Variants in COG7 observed in about 807,000 individuals in gnomAD.
The protein encoded by COG7 is conserved oligomeric Golgi complex subunit 7.
A neutral mutation model predicts 91.5 loss-of-function variants in COG7; 49 were observed. That is an observed-to-expected ratio of 0.54 (90% CI 0.43 to 0.68). The LOEUF (loss-of-function observed/expected upper bound fraction) is 0.68. Ranked by LOEUF, COG7 falls within the 30% of genes least tolerant of loss-of-function variation. COG7 has a pLI of 0.00. For missense variants in COG7, 895 were observed against 961.3 expected (o/e 0.93, Z 0.91); for synonymous variants, 365 against 388.7 (o/e 0.94, Z 0.72).
At chr16:23,420,442 T>C (rs566579273) in intron 7 of COG7, among the ~76,000 whole-genome samples, 26 of 152,318 alleles carry the variant, frequency 1.7e-4, no homozygotes, top group African/African-American at 6.3e-4. Context: ...TTATTATTAC[T>C]TCTACAGCCT....
At chr16:23,414,124 C>T (rs1963614053) in intron 9 of COG7, 1 of 162,890 alleles carries the variant, frequency 6.1e-6, no homozygotes, top group South Asian at 1.7e-4. Flanking sequence ...GGAGATCCTC[C>T]CTCACAGGCT....
chr16:23,398,269 A>T, intron 13 of COG7, 140 bp from the exon 14 acceptor site: 1 of 712,020 alleles, frequency 1.4e-6, no homozygotes, highest in Non-Finnish European at 2.5e-6. Context: ...AGCCTCCACC[A>T]CTCAGCAGGC....
chr16:23,391,211 G>A (rs142236244), intron 16 of COG7, among the ~76,000 whole-genome samples: 132 of 152,348 alleles, frequency 8.7e-4, no homozygotes, highest in African/African-American at 2.5e-3. Context: ...TGCTGAATGA[G>A]TGAAGAAATG....
intron 1 of COG7, among the ~76,000 whole-genome samples, chr16:23,449,609 C>G (rs756351189): frequency 6.6e-6 from 1 of 150,768 alleles, no homozygotes; most frequent in African/African-American, 2.4e-5. Flanking sequence ...GGCATGGTGG[C>G]GCATGCCTAT....
intron 8 of COG7, 31 bp downstream of exon 8, chr16:23,418,669 C>T (rs778477301): frequency 1.2e-6 from 2 of 1,611,092 alleles, no homozygotes; most frequent in South Asian, 2.2e-5. Context: ...CAGAATGCTT[C>T]CTCAGTGGCC....
At chr16:23,428,291 G>A (rs927472461) in intron 6 of COG7, among the ~76,000 whole-genome samples, 4 of 152,148 alleles carry the variant, frequency 2.6e-5, no homozygotes, top group Non-Finnish European at 5.9e-5. Flanking sequence ...GGAGGTTGCA[G>A]TGAGCCAAGA....
At chr16:23,425,001 C>T (rs1963822767) in intron 6 of COG7, 54 bp from the exon 7 acceptor site, 8 of 1,510,868 alleles carry the variant, frequency 5.3e-6, no homozygotes, top group Non-Finnish European at 7.2e-6. Flanking sequence ...AATAGGAGCC[C>T]ACCTTTTTTA....
intron 11 of COG7, 129 bp downstream of exon 11, chr16:23,410,166 T>C (rs577168468): frequency 2.7e-6 from 2 of 745,368 alleles, no homozygotes; most frequent in South Asian, 2.9e-5. Flanking sequence ...TGTATCTAGG[T>C]ACAGACAGTC....
intron 11 of COG7, among the ~76,000 whole-genome samples, chr16:23,407,530 G>C (rs1006004048): frequency 6.6e-6 from 1 of 152,198 alleles, no homozygotes; most frequent in Non-Finnish European, 1.5e-5. Context: ...AGGCTTGGTA[G>C]AGGAGAGGCC....
chr16:23,400,969 CA>C (rs1221183083), intron 13 of COG7, among the ~76,000 whole-genome samples: 24 of 99,946 alleles, frequency 2.4e-4, no homozygotes, highest in East Asian at 6.1e-4. Context: ...GACTTTGTCT[CA>C]AAAAAAAAAG....
At chr16:23,406,560 G>A (rs918965036) in intron 11 of COG7, among the ~76,000 whole-genome samples, 1 of 152,164 alleles carries the variant, frequency 6.6e-6, no homozygotes, top group African/African-American at 2.4e-5. Flanking sequence ...AGTTTAGTCT[G>A]GAACACTGTG....
At chr16:23,405,808 C>T (rs574167845) in intron 12 of COG7, among the ~76,000 whole-genome samples, 48 of 152,306 alleles carry the variant, frequency 3.2e-4, no homozygotes, top group African/African-American at 1.1e-3. Flanking sequence ...TGAGCCACCA[C>T]ACCTGGCCTA....
At chr16:23,403,631 C>T in intron 13 of COG7, 63 bp downstream of exon 13, 1 of 1,599,724 alleles carries the variant, frequency 6.3e-7, no homozygotes, top group Non-Finnish European at 8.6e-7. Context: ...TAAGCCCACA[C>T]TCAGTATGCT....
intron 12 of COG7, among the ~76,000 whole-genome samples, chr16:23,404,603 G>A (rs1468661868): frequency 1.3e-5 from 2 of 152,210 alleles, no homozygotes; most frequent in Non-Finnish European, 2.9e-5. Flanking sequence ...GTTCATTCCA[G>A]AGCTCTAGGC....
At chr16:23,401,785 G>C (rs905342837) in intron 13 of COG7, among the ~76,000 whole-genome samples, 1 of 152,128 alleles carries the variant, frequency 6.6e-6, no homozygotes, top group African/African-American at 2.4e-5. Context: ...ACCAGGCTTG[G>C]TGGCTCATGC....
chr16:23,417,360 G>T, intron 8 of COG7: 1 of 566,690 alleles, frequency 1.8e-6, no homozygotes, highest in Non-Finnish European at 3.2e-6. Flanking sequence ...CTGTCTACTT[G>T]ATCCTAATGT....
chr16:23,428,692 CTTT>C (rs898850977), intron 6 of COG7, among the ~76,000 whole-genome samples: 5 of 134,660 alleles, frequency 3.7e-5, no homozygotes, highest in Admixed American at 1.5e-4. Context: ...TGTTTCTTTT[CTTT>C]TTTTTTTTTT....
chr16:23,435,603 C>T (rs1403569501), intron 4 of COG7, among the ~76,000 whole-genome samples: 1 of 152,180 alleles, frequency 6.6e-6, no homozygotes, highest in Non-Finnish European at 1.5e-5. Flanking sequence ...CACAGCAGCG[C>T]CACCTCTGGC....
chr16:23,448,424 C>T (rs765833067), intron 1 of COG7, among the ~76,000 whole-genome samples: 5 of 152,138 alleles, frequency 3.3e-5, no homozygotes, highest in East Asian at 3.8e-4. Context: ...GCAATCCTTC[C>T]GAGTAGCTGG....
Sources: allele counts gnomAD v4.1 joint callset (sites outside exome capture counted in the v4.1 genomes callset), GRCh38; gene constraint gnomAD v4.1.1; transcripts MANE v1.5; gene names NCBI Gene and HGNC (gene_info 2026-07-23, HGNC 2026-07-21).